NELL1: variants seen among roughly 807,000 people sequenced by gnomAD.
The protein encoded by NELL1 is neural EGFL like 1.
In NELL1, 76 loss-of-function variants were observed where a neutral mutation model predicts 107.4. The ratio of observed to expected loss-of-function variants is 0.71; its 90% confidence interval spans 0.59 to 0.86. NELL1 has a LOEUF of 0.86. NELL1 is among the 40% of genes least tolerant of loss of function. The pLI, the probability that NELL1 is intolerant of heterozygous loss-of-function variation, is 0.00. For synonymous variants in NELL1, 353 were observed against 341.2 expected, an observed-to-expected ratio of 1.03 and a Z score of -0.38; for missense variants, 1,024 against 1,005.5, an observed-to-expected ratio of 1.02 and a Z score of -0.25.
At chr11:21,344,961 C>T (rs1850653911) in intron 14 of NELL1, among the ~76,000 whole-genome samples, 1 of 151,972 alleles carries the variant, frequency 6.6e-6, no homozygotes, top group Non-Finnish European at 1.5e-5. Flanking sequence ...GAAGTCTTTC[C>T]CAAAGAATGC....
intron 15 of NELL1, among the ~76,000 whole-genome samples, chr11:21,401,889 T>C (rs994746549): frequency 5.9e-5 from 9 of 151,732 alleles, no homozygotes; most frequent in Non-Finnish European, 7.4e-5. Flanking sequence ...CTTTACAAAA[T>C]TGTAGTGAGG....
At chr11:21,199,219 T>C (rs1317593142) in intron 13 of NELL1, among the ~76,000 whole-genome samples, 1 of 152,138 alleles carries the variant, frequency 6.6e-6, no homozygotes, top group East Asian at 1.9e-4. Flanking sequence ...CATGGACATC[T>C]CCTAGCACAC....
At chr11:20,976,281 G>T (rs909882675) in intron 12 of NELL1, among the ~76,000 whole-genome samples, 6 of 151,628 alleles carry the variant, frequency 4.0e-5, no homozygotes, top group Admixed American at 3.3e-4. Context: ...AACATAATTT[G>T]TAATAAATTT....
chr11:21,516,324 T>C (rs1035770420), intron 15 of NELL1, among the ~76,000 whole-genome samples: 3 of 152,240 alleles, frequency 2.0e-5, no homozygotes, highest in Admixed American at 1.3e-4. Flanking sequence ...TTTATAATTT[T>C]AGCATCTAGC....
intron 3 of NELL1, among the ~76,000 whole-genome samples, chr11:20,826,966 C>A (rs1280013107): frequency 6.6e-6 from 1 of 151,246 alleles, no homozygotes; most frequent in Non-Finnish European, 1.5e-5. Flanking sequence ...ACCCAGAAGA[C>A]CTGAGTGTCA....
At chr11:21,312,551 C>A (rs1849772187) in intron 14 of NELL1, among the ~76,000 whole-genome samples, 3 of 152,132 alleles carry the variant, frequency 2.0e-5, no homozygotes, top group African/African-American at 7.2e-5. Context: ...TTTCTCATTT[C>A]ATTCTTACAT....
At chr11:21,215,958 A>G (rs1043112197) in intron 13 of NELL1, among the ~76,000 whole-genome samples, 1 of 152,196 alleles carries the variant, frequency 6.6e-6, no homozygotes, top group African/African-American at 2.4e-5. Flanking sequence ...TCTCCAGGGC[A>G]TGTCAGAGAC....
At chr11:20,943,870 C>A (rs769159988) in intron 10 of NELL1, among the ~76,000 whole-genome samples, 7 of 152,184 alleles carry the variant, frequency 4.6e-5, no homozygotes, top group African/African-American at 7.2e-5. Context: ...ATTTTTCAGT[C>A]TATCTGAGAA....
chr11:21,537,937 G>A (rs987607927), intron 16 of NELL1, among the ~76,000 whole-genome samples: 121 of 152,168 alleles, frequency 8.0e-4, no homozygotes, highest in African/African-American at 2.8e-3. Context: ...AGTCTTCTGG[G>A]AATATGGTTA....
intron 2 of NELL1, among the ~76,000 whole-genome samples, chr11:20,678,911 C>A (rs1854128185): frequency 6.6e-6 from 1 of 151,956 alleles, no homozygotes. Flanking sequence ...AGTGATAGGT[C>A]AACAGATACT....
intron 12 of NELL1, among the ~76,000 whole-genome samples, chr11:20,970,183 C>A (rs1345556177): frequency 6.6e-6 from 1 of 151,808 alleles, no homozygotes; most frequent in Admixed American, 6.6e-5. Context: ...AAAAGTGGGG[C>A]TTCTGTGTTG....
At chr11:21,246,836 A>T (rs780688942) in intron 14 of NELL1, among the ~76,000 whole-genome samples, 2 of 152,188 alleles carry the variant, frequency 1.3e-5, no homozygotes, top group African/African-American at 2.4e-5. Flanking sequence ...CACACCTTAC[A>T]TGGTGGCAAG....
intron 12 of NELL1, among the ~76,000 whole-genome samples, chr11:21,041,431 G>A (rs1371238596): frequency 1.3e-5 from 2 of 152,130 alleles, no homozygotes; most frequent in Non-Finnish European, 2.9e-5. Flanking sequence ...AGAGAGTCAC[G>A]TGAAAGGTAA....
At chr11:21,251,814 T>C (rs1343930309) in intron 14 of NELL1, among the ~76,000 whole-genome samples, 3 of 152,010 alleles carry the variant, frequency 2.0e-5, no homozygotes, top group Non-Finnish European at 4.4e-5. Flanking sequence ...AAATATTCAA[T>C]GAACCAAGCA....
At chr11:21,323,306 T>C (rs1850055437) in intron 14 of NELL1, among the ~76,000 whole-genome samples, 2 of 152,186 alleles carry the variant, frequency 1.3e-5, no homozygotes, top group African/African-American at 2.4e-5. Context: ...TAAAGCTCGC[T>C]GATGGTTCTC....
intron 4 of NELL1, among the ~76,000 whole-genome samples, chr11:20,881,084 G>T (rs1564947918): frequency 6.6e-6 from 1 of 152,186 alleles, no homozygotes; most frequent in Non-Finnish European, 1.5e-5. Context: ...GAGCTGACCA[G>T]TCTTGCCTTC....
intron 10 of NELL1, among the ~76,000 whole-genome samples, chr11:20,939,459 G>C (rs4923185): frequency 0.61 from 92,504 of 151,732 alleles, 30,666 homozygotes; most frequent in Non-Finnish European, 0.74. Context: ...GCACATTGCT[G>C]CTGTGATGAG....
intron 8 of NELL1, among the ~76,000 whole-genome samples, 157 bp downstream of exon 8, chr11:20,927,599 T>C (rs904747900): frequency 2.4e-4 from 36 of 152,228 alleles, no homozygotes; most frequent in African/African-American, 8.4e-4. Flanking sequence ...TGTGAAGCAA[T>C]GCTGGAAGAG....
At chr11:20,766,441 C>A (rs1466463725) in intron 2 of NELL1, among the ~76,000 whole-genome samples, 1 of 152,206 alleles carries the variant, frequency 6.6e-6, no homozygotes, top group Non-Finnish European at 1.5e-5. Flanking sequence ...GTTTTCCCCA[C>A]CAACTGGCTT....
Sources: gnomAD v4.1 joint callset for allele counts (sites outside exome capture counted in the v4.1 genomes callset) on GRCh38, gnomAD v4.1.1 for gene constraint, MANE v1.5 for transcripts, NCBI Gene and HGNC (gene_info 2026-07-23, HGNC 2026-07-21) for gene names.